The following LRBA variants were observed in gnomAD, a reference collection of about 807,000 sequenced individuals.
LRBA encodes LPS responsive beige-like anchor protein.
In LRBA, 176 loss-of-function variants were observed where a neutral mutation model predicts 330.0. That is an observed-to-expected ratio of 0.53 (90% CI 0.47 to 0.60). The LOEUF (loss-of-function observed/expected upper bound fraction) is 0.60, where lower values mean the gene tolerates loss of function less well. Among genes scored for constraint, LRBA ranks in the 20% least tolerant of loss-of-function variants. The pLI, the probability that LRBA is intolerant of heterozygous loss-of-function variation, is 0.00. For synonymous variants in LRBA, 1,230 were observed against 1,193.0 expected (o/e 1.03, Z -0.64); for missense variants, 3,259 against 3,444.8 (o/e 0.95, Z 1.35).
chr4:150,864,168 C>T (rs1752379242), intron 22 of LRBA, among the ~76,000 whole-genome samples: 1 of 152,022 alleles, frequency 6.6e-6, no homozygotes, highest in African/African-American at 2.4e-5. Context: ...AATCTCTTGG[C>T]CTCATGATCC....
At chr4:150,940,394 G>T (rs1310247289) in intron 2 of LRBA, among the ~76,000 whole-genome samples, 2 of 152,178 alleles carry the variant, frequency 1.3e-5, no homozygotes, top group African/African-American at 2.4e-5. Context: ...AGGGCAAGAT[G>T]CTTTCTCAAA....
intron 40 of LRBA, among the ~76,000 whole-genome samples, chr4:150,499,981 T>C (rs1466563813): frequency 1.3e-5 from 2 of 151,970 alleles, no homozygotes; most frequent in African/African-American, 4.8e-5. Flanking sequence ...GCAAGGAACA[T>C]GGAAAGATTT....
intron 46 of LRBA, among the ~76,000 whole-genome samples, chr4:150,420,243 A>C (rs947312175): frequency 3.4e-5 from 5 of 148,260 alleles, no homozygotes; most frequent in African/African-American, 1.2e-4. Context: ...CTCAAAAAAA[A>C]TACATATATA....
At chr4:150,950,180 T>C (rs986687521) in intron 2 of LRBA, among the ~76,000 whole-genome samples, 1 of 152,158 alleles carries the variant, frequency 6.6e-6, no homozygotes, top group African/African-American at 2.4e-5. Flanking sequence ...TGGTTCAATC[T>C]AGCAAACTAG....
intron 17 of LRBA, among the ~76,000 whole-genome samples, chr4:150,889,030 T>C (rs1201216): frequency 0.11 from 17,272 of 152,118 alleles, 1,380 homozygotes; most frequent in South Asian, 0.28. Context: ...AAGCTGAAGA[T>C]GTAGGAAAGA....
intron 36 of LRBA, among the ~76,000 whole-genome samples, chr4:150,690,927 C>CTT (rs70941427): frequency 2.8e-5 from 3 of 106,320 alleles, no homozygotes; most frequent in Non-Finnish European, 4.0e-5. Flanking sequence ...AACACCTGGT[C>CTT]TTTTTTTTTT....
intron 37 of LRBA, among the ~76,000 whole-genome samples, chr4:150,609,223 G>A (rs1184632156): frequency 1.3e-5 from 2 of 152,178 alleles, no homozygotes; most frequent in Non-Finnish European, 2.9e-5. Context: ...GCAGCGATTG[G>A]TTCAGGAATC....
chr4:150,631,956 C>T (rs373112541), intron 37 of LRBA, among the ~76,000 whole-genome samples: 1 of 152,090 alleles, frequency 6.6e-6, no homozygotes, highest in African/African-American at 2.4e-5. Flanking sequence ...TTGGGCTGGG[C>T]GTGGTGGCTC....
At chr4:150,706,064 A>G (rs1393850076) in intron 36 of LRBA, among the ~76,000 whole-genome samples, 1 of 151,984 alleles carries the variant, frequency 6.6e-6, no homozygotes, top group Non-Finnish European at 1.5e-5. Flanking sequence ...CATCAAATGA[A>G]AACACTCTTT....
At chr4:150,606,378 A>C (rs1475791491) in intron 37 of LRBA, among the ~76,000 whole-genome samples, 2 of 152,098 alleles carry the variant, frequency 1.3e-5, no homozygotes, top group Non-Finnish European at 2.9e-5. Flanking sequence ...TATTTAGACA[A>C]ATCTATTATA....
At chr4:150,407,550 C>A (rs538786503) in intron 47 of LRBA, among the ~76,000 whole-genome samples, 5 of 152,262 alleles carry the variant, frequency 3.3e-5, no homozygotes, top group African/African-American at 1.2e-4. Flanking sequence ...CTCACATCCA[C>A]AGAACACTCA....
intron 40 of LRBA, among the ~76,000 whole-genome samples, chr4:150,498,378 T>C (rs1759831816): frequency 6.6e-6 from 1 of 152,174 alleles, no homozygotes; most frequent in African/African-American, 2.4e-5. Context: ...AATATCAATC[T>C]TAATGAGTCA....
At chr4:150,931,980 C>A (rs896441188) in intron 2 of LRBA, among the ~76,000 whole-genome samples, 2 of 151,796 alleles carry the variant, frequency 1.3e-5, no homozygotes, top group African/African-American at 4.8e-5. Context: ...GAGACCAAGG[C>A]GGGAGAGTCA....
In LRBA at chr4:150,325,913, G is replaced by A; in HGVS notation, c.7363-15C>T. On this transcript the variant is annotated splice_polypyrimidine_tract_variant and intron_variant, in intron 48 of 56. Transcript: ENST00000651943. ...GCTTCAACAGCCTGAAAAGGGCAGGGGCAAGTCTGAAGGTTAAGAGGTGCT... is the reference window on the plus strand; with the variant it reads ...GCTTCAACAGCCTGAAAAGGGCAGGAGCAAGTCTGAAGGTTAAGAGGTGCT... 6.6e-7 allele frequency: 1 copy of A among 1,526,444 alleles called. No homozygotes were observed. Among genetic ancestry groups the A allele is most frequent in the South Asian group, 1.1e-5 (1 of 88,792 alleles). The allele number at this position is 1,526,444 out of a possible 1,614,324, so 94.6% of individuals were successfully genotyped here. A position where few individuals can be genotyped will look rare whatever the true frequency, so the allele number is the denominator to read the frequency against.
intron 42 of LRBA, among the ~76,000 whole-genome samples, chr4:150,485,549 A>G (rs1757776749): frequency 1.3e-5 from 2 of 151,932 alleles, no homozygotes; most frequent in South Asian, 4.1e-4. Flanking sequence ...TCTTTGTAAA[A>G]GAGGGAAACC....
intron 37 of LRBA, among the ~76,000 whole-genome samples, chr4:150,651,058 G>T (rs1376972080): frequency 6.6e-6 from 1 of 152,046 alleles, no homozygotes; most frequent in African/African-American, 2.4e-5. Flanking sequence ...CTTATTACTT[G>T]CAATTAAAAT....
chr4:150,515,517 G>T (rs1482004791), intron 40 of LRBA, among the ~76,000 whole-genome samples: 1 of 151,990 alleles, frequency 6.6e-6, no homozygotes, highest in Non-Finnish European at 1.5e-5. Context: ...ATTAGTGTAG[G>T]TACAGCTAGT....
chr4:151,005,773 T>C (rs953752147), intron 2 of LRBA, among the ~76,000 whole-genome samples: 3 of 151,872 alleles, frequency 2.0e-5, no homozygotes, highest in African/African-American at 7.3e-5. Context: ...CCTGGCTAAT[T>C]TTGTATTTTT....
chr4:150,726,359 A>G (rs1054526906), intron 36 of LRBA, among the ~76,000 whole-genome samples: 7 of 152,222 alleles, frequency 4.6e-5, no homozygotes, highest in African/African-American at 1.7e-4. Context: ...TTAATCAGAT[A>G]AAATAGATTT....
Sources: allele counts gnomAD v4.1 joint callset (sites outside exome capture counted in the v4.1 genomes callset), GRCh38; gene constraint gnomAD v4.1.1; transcripts MANE v1.5; gene names NCBI Gene and HGNC (gene_info 2026-07-23, HGNC 2026-07-21).